The following CFAP54 variants were observed in gnomAD, a reference collection of about 807,000 sequenced individuals.
The protein encoded by CFAP54 is cilia and flagella associated protein 54.
CFAP54 carries 290 observed loss-of-function variants against 370.4 expected under a neutral mutation model. The ratio of observed to expected loss-of-function variants is 0.78; its 90% confidence interval spans 0.71 to 0.86. The LOEUF (loss-of-function observed/expected upper bound fraction) is 0.86, where lower values mean the gene tolerates loss of function less well. Ranked by LOEUF, CFAP54 falls within the 40% of genes least tolerant of loss-of-function variation. CFAP54 has a pLI of 0.00. For synonymous variants in CFAP54, 1,206 were observed against 1,236.5 expected, an observed-to-expected ratio of 0.98 and a Z score of 0.52; for missense variants, 3,399 against 3,528.7, an observed-to-expected ratio of 0.96 and a Z score of 0.93.
At chr12:96,772,197 A>G (rs1170469134) in intron 60 of CFAP54, among the ~76,000 whole-genome samples, 3 of 152,164 alleles carry the variant, frequency 2.0e-5, no homozygotes, top group African/African-American at 7.2e-5. Flanking sequence ...TCCCCCCAGA[A>G]ACAATCAATT....
intron 66 of CFAP54, among the ~76,000 whole-genome samples, chr12:96,836,570 T>C (rs535517388): frequency 1.3e-5 from 2 of 152,190 alleles, no homozygotes. Flanking sequence ...TAAGAATCTA[T>C]GCTGTAATAA....
chr12:96,604,981 C>T (rs1956285622), intron 26 of CFAP54, among the ~76,000 whole-genome samples: 1 of 152,192 alleles, frequency 6.6e-6, no homozygotes, highest in African/African-American at 2.4e-5. Context: ...CCATGGGCTG[C>T]ACCCACTGTC....
chr12:96,707,544 G>C (rs1957559531), intron 47 of CFAP54, among the ~76,000 whole-genome samples: 2 of 152,126 alleles, frequency 1.3e-5, no homozygotes, highest in Non-Finnish European at 2.9e-5. Flanking sequence ...TGGGGTAGTG[G>C]CTGGAGAAGG....
intron 67 of CFAP54, among the ~76,000 whole-genome samples, chr12:96,870,123 T>C (rs542509554): frequency 2.1e-4 from 32 of 151,732 alleles, no homozygotes; most frequent in Non-Finnish European, 3.4e-4. Flanking sequence ...TAGTTGGGTG[T>C]GGTGGTGCAT....
In CFAP54 at chr12:96,684,718, C is replaced by T; in HGVS notation, c.5787C>T (p.Ile1929=). 1.9e-6 allele frequency: 3 copies of T among 1,611,652 alleles called. No individual in the cohort carries two copies. The highest frequency in any genetic ancestry group is 2.5e-6 in the Non-Finnish European group (3 of 1,179,194). The change falls in exon 41 of 68, where the codon ATC becomes ATT. Residue 1929 remains isoleucine (I), a synonymous_variant. Transcript: ENST00000524981. ...QALHSLGSLL[I]FAEKKRAAFK... is the part of the protein sequence containing the mutation. Reference sequence around the variant, plus strand: ...TGCATTCACTTGGAAGTCTTCTCATCTTCGCAGAAAAGAAAAGGTAGATTT... The same window carrying T: ...TGCATTCACTTGGAAGTCTTCTCATTTTCGCAGAAAAGAAAAGGTAGATTT...
chr12:96,853,242 A>G (rs1263531115), intron 66 of CFAP54, among the ~76,000 whole-genome samples: 2 of 152,198 alleles, frequency 1.3e-5, no homozygotes, highest in African/African-American at 4.8e-5. Context: ...CTACGTATCA[A>G]TAAGAATGAA....
chr12:96,767,289 C>T (rs539332030), intron 60 of CFAP54, among the ~76,000 whole-genome samples: 9 of 152,190 alleles, frequency 5.9e-5, no homozygotes, highest in African/African-American at 1.7e-4. Flanking sequence ...AGAAAAGACA[C>T]GAAAAAGGTG....
rs560615676 is a variant in CFAP54, at chr12:96,618,190, A to C, written c.3640-3400A>C. Among the ~76,000 whole-genome samples the C allele has an allele frequency of 2.6e-5, 4 of 152,304 alleles. No homozygotes were observed. In the South Asian group the frequency reaches 8.3e-4, roughly 32 times the overall value. ...CTGCAATGTCTTCCAGAAGAAAGAA[A>C]GAAACTCTATTTCAAGGCAGCTTGT... is the stretch of plus-strand genomic sequence containing the variant. On this transcript the variant is annotated intron_variant, in intron 26 of 67. Coordinates refer to ENST00000524981, the MANE Select transcript of CFAP54 (RefSeq NM_001306084.2).
chr12:96,524,482 A>ATTGAG (rs558694402), intron 8 of CFAP54, among the ~76,000 whole-genome samples: 1,793 of 152,322 alleles, frequency 0.012, 23 homozygotes, highest in Non-Finnish European at 0.017. Context: ...ACAACCATAT[A>ATTGAG]TTGAGTATCT....
intron 32 of CFAP54, among the ~76,000 whole-genome samples, chr12:96,633,526 C>T (rs908825831): frequency 1.3e-5 from 2 of 152,116 alleles, no homozygotes; most frequent in African/African-American, 2.4e-5. Context: ...ATTTGTATGA[C>T]CACCACAGTA....
chr12:96,512,905 A>G, intron 4 of CFAP54, 81 bp from the exon 5 acceptor site: 1 of 862,884 alleles, frequency 1.2e-6, no homozygotes, highest in Non-Finnish European at 1.7e-6. Context: ...TGGGAACTAC[A>G]GACTTGAACC....
At chr12:96,539,382 A>G (rs1224038038) in intron 13 of CFAP54, among the ~76,000 whole-genome samples, 1 of 151,976 alleles carries the variant, frequency 6.6e-6, no homozygotes, top group Non-Finnish European at 1.5e-5. Context: ...TGAAGAATAA[A>G]TATAGTATGG....
intron 19 of CFAP54, among the ~76,000 whole-genome samples, chr12:96,567,599 A>G (rs1341072178): frequency 6.6e-6 from 1 of 151,768 alleles, no homozygotes; most frequent in East Asian, 1.9e-4. Flanking sequence ...CTTGGAGGAC[A>G]TTGGTACTTC....
At position 96,644,456 on chromosome 12, in the gene CFAP54, G is replaced by A. The variant is rs538462845; in HGVS notation, c.4547+48G>A. 597 of 1,300,592 alleles carry A rather than the reference G, an allele frequency of 4.6e-4. 5 individuals carry two copies. In the South Asian group the frequency reaches 7.3e-3, roughly 16 times the overall value. 80.6% of individuals were successfully genotyped at this position (1,300,592 alleles called of 1,614,324 possible). On this transcript the variant is annotated intron_variant, in intron 33 of 67. Coordinates refer to ENST00000524981, the MANE Select transcript of CFAP54 (RefSeq NM_001306084.2). ...AATACTTTTTTAGTTTCATGAACAT[G>A]GATTGTATTTGTATGTTCAGAGCTC... is the stretch of plus-strand genomic sequence containing the variant.
chr12:96,657,122 G>A (rs1956930477), intron 36 of CFAP54, among the ~76,000 whole-genome samples: 1 of 152,180 alleles, frequency 6.6e-6, no homozygotes, highest in Admixed American at 6.5e-5. Context: ...GTATTATTGG[G>A]ATGGGAAGGC....
chr12:96,658,381 G>T, intron 38 of CFAP54, 35 bp downstream of exon 38: 1 of 1,607,224 alleles, frequency 6.2e-7, no homozygotes, highest in Non-Finnish European at 8.5e-7. Flanking sequence ...TCATGCTGTT[G>T]TGATTTCTAA....
intron 36 of CFAP54, 90 bp from the exon 37 acceptor site, chr12:96,657,792 A>G (rs962427232): frequency 2.1e-6 from 2 of 933,174 alleles, no homozygotes; most frequent in Non-Finnish European, 3.3e-6. Flanking sequence ...GTTCTTTTCC[A>G]TGTTACATTT....
intron 9 of CFAP54, among the ~76,000 whole-genome samples, chr12:96,529,109 A>G (rs962033052): frequency 1.3e-5 from 2 of 152,186 alleles, no homozygotes; most frequent in African/African-American, 4.8e-5. Context: ...TACTATGGTC[A>G]GAGAGCACAT....
At chr12:96,649,839 G>A in intron 34 of CFAP54, 52 bp from the exon 35 acceptor site, 1 of 1,275,574 alleles carries the variant, frequency 7.8e-7, no homozygotes, top group Non-Finnish European at 1.1e-6. Flanking sequence ...TGTGTTTTCT[G>A]GAACTTAATT....
Sources: allele counts gnomAD v4.1 joint callset (sites outside exome capture counted in the v4.1 genomes callset), GRCh38; gene constraint gnomAD v4.1.1; transcripts MANE v1.5; gene names NCBI Gene and HGNC (gene_info 2026-07-23, HGNC 2026-07-21).